The following GAS2 variants were observed in gnomAD, a reference collection of about 807,000 sequenced individuals.
The protein encoded by GAS2 is growth arrest-specific protein 2.
In GAS2, 20 loss-of-function variants were observed where a neutral mutation model predicts 37.5. The ratio of observed to expected loss-of-function variants is 0.53; its 90% CI spans 0.37 to 0.77. The LOEUF (loss-of-function observed/expected upper bound fraction) is 0.77. GAS2 is among the 30% of genes least tolerant of loss of function. The probability of loss-of-function intolerance (pLI) is 0.00; values close to 1 mark genes in which losing one functional copy is unlikely to be tolerated. For missense variants in GAS2, 336 were observed against 373.4 expected, an observed-to-expected ratio of 0.90 and a Z score of 0.82; for synonymous variants, 144 against 132.2, an observed-to-expected ratio of 1.09 and a Z score of -0.61.
chr11:22,656,597 C>T lies in GAS2; in HGVS notation c.-20-18253C>T, dbSNP rs145382250. 5.8e-4 allele frequency among the ~76,000 whole-genome samples: 88 copies of T among 152,230 alleles called. 1 individual carries two copies. Among genetic ancestry groups the T allele is most frequent in the African/African-American group, 2.1e-3 (87 of 41,562 alleles). On this transcript the variant is annotated intron_variant, in intron 1 of 5. Coordinates refer to the GAS2 transcript ENST00000528582. ...TCTAGAAGTAAACAGTTTGCTTTCACGAGTCCACAATCAAAAGGTAAAGCA... is the reference window on the plus strand; with the variant it reads ...TCTAGAAGTAAACAGTTTGCTTTCATGAGTCCACAATCAAAAGGTAAAGCA...
intron 7 of GAS2, among the ~76,000 whole-genome samples, chr11:22,794,924 G>A (rs1856353141): frequency 6.6e-6 from 1 of 152,114 alleles, no homozygotes; most frequent in African/African-American, 2.4e-5. Flanking sequence ...AGAGTCTTGT[G>A]TAGATTACTC....
chr11:22,645,346 A>G (rs889306777), intron 1 of GAS2, among the ~76,000 whole-genome samples: 2 of 152,066 alleles, frequency 1.3e-5, no homozygotes, highest in Admixed American at 1.3e-4. Flanking sequence ...TGTCTCTACT[A>G]AAAATACAAA....
intron 1 of GAS2, among the ~76,000 whole-genome samples, chr11:22,639,679 C>T (rs193180554): frequency 4.8e-4 from 73 of 152,178 alleles, no homozygotes; most frequent in Admixed American, 8.5e-4. Context: ...AAACTATAAA[C>T]GCCATACTAA....
intron 1 of GAS2, among the ~76,000 whole-genome samples, chr11:22,667,416 G>A (rs1849027771): frequency 6.6e-6 from 1 of 152,156 alleles, no homozygotes; most frequent in South Asian, 2.1e-4. Context: ...AGGAAAGAGC[G>A]CCACATGTGT....
At chr11:22,809,232 C>A (rs192289944) in intron 7 of GAS2, among the ~76,000 whole-genome samples, 425 of 152,122 alleles carry the variant, frequency 2.8e-3, no homozygotes, top group Non-Finnish European at 5.2e-3. Flanking sequence ...GGTGCTGCAA[C>A]CAAGAAGAAC....
intron 5 of GAS2, among the ~76,000 whole-genome samples, chr11:22,742,532 T>G (rs1418445768): frequency 6.6e-6 from 1 of 152,114 alleles, no homozygotes; most frequent in Non-Finnish European, 1.5e-5. Flanking sequence ...TGAATCGTAT[T>G]TAAGTATGCA....
intron 3 of GAS2, among the ~76,000 whole-genome samples, chr11:22,690,112 A>T (rs1850167869): frequency 1.3e-5 from 2 of 152,176 alleles, no homozygotes; most frequent in Non-Finnish European, 2.9e-5. Flanking sequence ...GTTGATAGTT[A>T]ATTTGGAGAT....
intron 7 of GAS2, among the ~76,000 whole-genome samples, chr11:22,789,490 C>G (rs1338458441): frequency 1.2e-5 from 1 of 80,708 alleles, no homozygotes; most frequent in Non-Finnish European, 2.3e-5. Context: ...GAGGCAGAGT[C>G]TTGCTCTGTC....
intron 3 of GAS2, among the ~76,000 whole-genome samples, chr11:22,704,634 C>T (rs1226293631): frequency 2.0e-5 from 2 of 98,782 alleles, no homozygotes; most frequent in African/African-American, 8.9e-5. Flanking sequence ...TTTTGCTCAT[C>T]TCAAATTCAT....
At chr11:22,743,114 G>A (rs1442009754) in intron 5 of GAS2, among the ~76,000 whole-genome samples, 1 of 152,030 alleles carries the variant, frequency 6.6e-6, no homozygotes, top group Non-Finnish European at 1.5e-5. Context: ...CAGTGAGTTA[G>A]TAGCAAAGCT....
intron 3 of GAS2, among the ~76,000 whole-genome samples, chr11:22,711,676 A>T (rs922692233): frequency 6.6e-6 from 1 of 152,132 alleles, no homozygotes; most frequent in Non-Finnish European, 1.5e-5. Context: ...GCATGGTGGG[A>T]GTGAGATTGG....
At chr11:22,672,154 C>T (rs1185112602) in intron 1 of GAS2, among the ~76,000 whole-genome samples, 1 of 152,122 alleles carries the variant, frequency 6.6e-6, no homozygotes, top group Non-Finnish European at 1.5e-5. Context: ...AGCCTTCTTT[C>T]TCTCACCTCT....
chr11:22,646,843 C>T (rs1565064694), intron 1 of GAS2, among the ~76,000 whole-genome samples: 1 of 151,870 alleles, frequency 6.6e-6, no homozygotes, highest in African/African-American at 2.4e-5. Flanking sequence ...TTCCTTCCTT[C>T]TTTCTTTTCT....
At chr11:22,746,701 G>A (rs951583656) in intron 5 of GAS2, among the ~76,000 whole-genome samples, 6 of 152,110 alleles carry the variant, frequency 3.9e-5, no homozygotes, top group Non-Finnish European at 7.4e-5. Context: ...GAACTCTAGA[G>A]TGGAGAGCAA....
chr11:22,782,954 T>C (rs1358011004), intron 7 of GAS2, among the ~76,000 whole-genome samples: 2 of 152,110 alleles, frequency 1.3e-5, no homozygotes, highest in African/African-American at 2.4e-5. Flanking sequence ...TTCCTTTAGG[T>C]ACATACCCAG....
intron 1 of GAS2, among the ~76,000 whole-genome samples, chr11:22,655,543 A>C (rs2133839024): frequency 6.6e-6 from 1 of 152,362 alleles, no homozygotes; most frequent in African/African-American, 2.4e-5. Flanking sequence ...ACAGAACAAA[A>C]ACAAACATCA....
intron 7 of GAS2, among the ~76,000 whole-genome samples, chr11:22,758,145 T>A (rs1854152315): frequency 6.6e-6 from 1 of 152,138 alleles, no homozygotes; most frequent in Non-Finnish European, 1.5e-5. Context: ...AGGTATTGAA[T>A]TGGTTTTCAA....
rs567274971 is a variant in GAS2, at chr11:22,695,661, T to C, written c.267+9872T>C. On this transcript the variant is annotated intron_variant, in intron 3 of 7. Coordinates refer to ENST00000454584, the MANE Select transcript of GAS2 (RefSeq NM_001143830.3). ...AAGTCATATTATTCTGTAAATTCCA[T>C]ATATCACAGCTATTCAGTGGAAAAT... 5.9e-5 allele frequency among the ~76,000 whole-genome samples: 9 copies of C among 152,322 alleles called. No homozygotes were observed. The South Asian group carries it at 1.9e-3, about 32-fold the overall frequency.
chr11:22,724,045 C>T (rs1443643226), intron 3 of GAS2, among the ~76,000 whole-genome samples: 1 of 151,828 alleles, frequency 6.6e-6, no homozygotes, highest in Non-Finnish European at 1.5e-5. Flanking sequence ...GCATGTCCTT[C>T]TTGAATTATT....
Sources: gnomAD v4.1 joint callset for allele counts (sites outside exome capture counted in the v4.1 genomes callset) on GRCh38, gnomAD v4.1.1 for gene constraint, MANE v1.5 for transcripts, NCBI Gene and HGNC (gene_info 2026-07-23, HGNC 2026-07-21) for gene names.